SMG5: variants seen among roughly 807,000 people sequenced by gnomAD.
SMG5 encodes nonsense-mediated mRNA decay factor SMG5.
A neutral mutation model predicts 122.9 loss-of-function variants in SMG5; 53 were observed. The ratio of observed to expected loss-of-function variants is 0.43; its 90% CI spans 0.35 to 0.54. The LOEUF (loss-of-function observed/expected upper bound fraction) is 0.54, where lower values mean the gene tolerates loss of function less well. Ranked by LOEUF, SMG5 falls within the 20% of genes least tolerant of loss-of-function variation. The pLI is 0.01. For synonymous variants in SMG5, 477 were observed against 490.2 expected, an observed-to-expected ratio of 0.97 and a Z score of 0.35; for missense variants, 1,153 against 1,285.6, an observed-to-expected ratio of 0.90 and a Z score of 1.58.
In SMG5 at chr1:156,251,453, C is replaced by A. The variant is rs1241193112; in HGVS notation, c.2778G>T (p.Val926=). 5 of 1,614,012 alleles carry A rather than the reference C, an allele frequency of 3.1e-6. No individual in the cohort carries two copies. In the East Asian group the frequency reaches 8.9e-5, roughly 29 times the overall value. Residue 926 remains valine (V), a synonymous_variant, in exon 20 of 22, where the codon GTG becomes GTT. Transcript: ENST00000361813. The part of the protein sequence containing the change: ...GNRYIRCQKE[V]GKSFERHKLK... ...GCTTATGCCGCTCAAAGCTCTTTCCCACCTCTTTCTGGCAGCGAATGTACC... is the reference window on the plus strand; with the variant it reads ...GCTTATGCCGCTCAAAGCTCTTTCCAACCTCTTTCTGGCAGCGAATGTACC...
At chr1:156,282,284 C>G (rs1261338661) in intron 1 of SMG5, among the ~76,000 whole-genome samples, 1 of 152,080 alleles carries the variant, frequency 6.6e-6, no homozygotes, top group Non-Finnish European at 1.5e-5. Flanking sequence ...ACACCTGTGA[C>G]CCCACCTTCA....
Position 156,250,472 on chromosome 1 carries a change from C to T in SMG5, c.*115G>A. 1 of 913,504 alleles carries T rather than the reference C, an allele frequency of 1.1e-6. No individual in the cohort carries two copies. Among genetic ancestry groups the T allele is most frequent in the South Asian group, 1.5e-5 (1 of 67,834 alleles). 56.6% of individuals were successfully genotyped at this position (913,504 alleles called of 1,614,324 possible). On this transcript the variant is annotated 3_prime_UTR_variant, in exon 22 of 22. Transcript: ENST00000361813. Reference sequence around the variant, plus strand: ...GCCTCTGAGCAGCTAGGCCTCCCTCCTGTGTGCGTGCATGAGTCTGCGTGT... The same window carrying T: ...GCCTCTGAGCAGCTAGGCCTCCCTCTTGTGTGCGTGCATGAGTCTGCGTGT...
intron 20 of SMG5, 34 bp from the exon 21 acceptor site, chr1:156,251,030 A>G: frequency 6.2e-7 from 1 of 1,607,752 alleles, no homozygotes; most frequent in Non-Finnish European, 8.5e-7. Context: ...AGATGGGCCA[A>G]GACCCAGCAT....
chr1:156,260,867 G>A (rs982506306), intron 14 of SMG5, among the ~76,000 whole-genome samples: 4 of 152,202 alleles, frequency 2.6e-5, no homozygotes, highest in African/African-American at 9.6e-5. Context: ...CTTCCTGACA[G>A]CAGGGACAAT....
At chr1:156,257,612 T>A (rs2103213088) in intron 16 of SMG5, among the ~76,000 whole-genome samples, 2 of 152,232 alleles carry the variant, frequency 1.3e-5, no homozygotes, top group South Asian at 4.2e-4. Context: ...TGTAACCCCC[T>A]CCCCATGTCT....
intron 2 of SMG5, 62 bp downstream of exon 2, chr1:156,278,874 G>C: frequency 7.2e-7 from 1 of 1,379,672 alleles, no homozygotes; most frequent in Non-Finnish European, 1.0e-6. Flanking sequence ...TATCTGAGAA[G>C]GTTTCTGGTA....
rs777085907 is a variant in SMG5, at chr1:156,252,467, T to C, written c.2700A>G (p.Pro900=). The C allele has an allele frequency of 6.2e-7, 1 of 1,614,052 alleles. No individual in the cohort carries two copies. Among genetic ancestry groups the C allele is most frequent in the Non-Finnish European group, 8.5e-7 (1 of 1,179,996 alleles). Residue 900 remains proline (P), a synonymous_variant, in exon 19 of 22, where the codon CCA becomes CCG. Transcript: ENST00000361813. ...GGTACCGAATCCCATCCCGGGCCCCTGGGTGTTCCTTCTTCAGCAAATCCA... is the reference window on the plus strand; with the variant it reads ...GGTACCGAATCCCATCCCGGGCCCCCGGGTGTTCCTTCTTCAGCAAATCCA... ...DGLDLLKKEH[P]GARDGIRYLE... is the part of the protein sequence containing the mutation.
intron 9 of SMG5, among the ~76,000 whole-genome samples, 178 bp downstream of exon 9, chr1:156,267,937 G>A (rs1025468260): frequency 1.3e-5 from 2 of 152,162 alleles, no homozygotes; most frequent in African/African-American, 4.8e-5. Flanking sequence ...CTGCTGGGAG[G>A]AGGATGGGCA....
chr1:156,267,361 G>A (rs1662197708), intron 10 of SMG5, 109 bp downstream of exon 10: 1 of 1,114,996 alleles, frequency 9.0e-7, no homozygotes, highest in Non-Finnish European at 1.3e-6. Context: ...TGACACAGGA[G>A]TGAAGAGGCT....
chr1:156,259,958 G>C (rs1463623812), intron 15 of SMG5, among the ~76,000 whole-genome samples: 1 of 152,182 alleles, frequency 6.6e-6, no homozygotes, highest in Non-Finnish European at 1.5e-5. Context: ...GTTTATGTAT[G>C]TCAGGACTGG....
rs762869959 is a variant in SMG5 at position 156,250,555 on chromosome 1, G to A, written c.*32C>T. On this transcript the variant is annotated 3_prime_UTR_variant, in exon 22 of 22. Transcript: ENST00000361813. ...CCAGGGAGGGCAGGAGAGATCTGGA[G>A]TCAGCCCCACTGCAGGGCCTGGGGG... 8.8e-6 allele frequency: 14 copies of A among 1,583,972 alleles called. No homozygotes were observed. Among genetic ancestry groups the A allele is most frequent in the Non-Finnish European group, 1.1e-5 (13 of 1,152,566 alleles).
chr1:156,290,841 AT>A, the SMG5 span: 2 of 150,784 alleles, frequency 1.3e-5, no homozygotes, highest in African/African-American at 2.4e-5. Flanking sequence ...AAATAAAAAA[AT>A]AATAATAATT....
At chr1:156,260,839 TGGCTCAGGTCAGGAA>T (rs1661791859) in intron 14 of SMG5, among the ~76,000 whole-genome samples, 1 of 152,112 alleles carries the variant, frequency 6.6e-6, no homozygotes, top group Admixed American at 6.5e-5. Flanking sequence ...AGAACAAGGA[TGGCTCAGGTCAGGAA>T]GGCTTCCTGA....
rs767029131 is a variant in SMG5 at position 156,265,851 on chromosome 1, G to A, written c.1785C>T (p.Thr595=). 2 of 1,614,224 alleles carry A rather than the reference G, an allele frequency of 1.2e-6. No homozygotes were observed. Among genetic ancestry groups the A allele is most frequent in the Middle Eastern group, 1.6e-4 (1 of 6,062 alleles). ...GGCTGGCCGAGGTATGAGGGTTGGT[G>A]GTGGGCTGGAGGAGCAGGTTGCTAA... is the stretch of plus-strand genomic sequence containing the variant. ...PTFSNLLLQP[T]TNPHTSASHR... The change falls in exon 12 of 22, where the codon ACC becomes ACT. Residue 595 remains threonine, a synonymous_variant. Transcript: ENST00000361813.
chr1:156,257,503 C>G (rs529331666), intron 16 of SMG5, among the ~76,000 whole-genome samples: 2 of 152,138 alleles, frequency 1.3e-5, no homozygotes, highest in Non-Finnish European at 1.5e-5. Context: ...GTACTCCCTA[C>G]CCCCCGACAG....
At chr1:156,255,490 G>A (rs907255673) in intron 16 of SMG5, among the ~76,000 whole-genome samples, 1 of 152,044 alleles carries the variant, frequency 6.6e-6, no homozygotes, top group Non-Finnish European at 1.5e-5. Context: ...GGTGAGCCAA[G>A]ATCACACCAT....
chr1:156,286,024 TGAG>T (rs777511942), upstream of SMG5: 2 of 1,571,898 alleles, frequency 1.3e-6, no homozygotes, highest in Non-Finnish European at 1.7e-6. Context: ...GAAGTGGACT[TGAG>T]GAGGGCAGGG....
At chr1:156,256,310 C>CTT (rs533116327) in intron 16 of SMG5, among the ~76,000 whole-genome samples, 48 of 86,932 alleles carry the variant, frequency 5.5e-4, no homozygotes, top group Non-Finnish European at 7.6e-4. Context: ...CATCTTCTCT[C>CTT]TTTTTTTTTT....
chr1:156,257,193 C>T (rs1349875922), intron 16 of SMG5, among the ~76,000 whole-genome samples: 1 of 152,152 alleles, frequency 6.6e-6, no homozygotes, highest in Non-Finnish European at 1.5e-5. Context: ...TCCCAAAGTG[C>T]TGAGATTATA....
Sources: allele counts gnomAD v4.1 joint callset (sites outside exome capture counted in the v4.1 genomes callset), GRCh38; gene constraint gnomAD v4.1.1; transcripts MANE v1.5; gene names NCBI Gene and HGNC (gene_info 2026-07-23, HGNC 2026-07-21).